LHFPL3: variants seen among roughly 807,000 people sequenced by gnomAD.
LHFPL3 encodes LHFPL tetraspan subfamily member 3 protein.
In LHFPL3, 5 loss-of-function variants were observed where a neutral mutation model predicts 19.3. The observed-to-expected ratio is 0.26, with a 90% CI of 0.14 to 0.54. The LOEUF (loss-of-function observed/expected upper bound fraction) is 0.54, where lower values mean the gene tolerates loss of function less well. Among genes scored for constraint, LHFPL3 ranks in the 20% least tolerant of loss-of-function variants. LHFPL3 has a pLI of 0.94. For missense variants in LHFPL3, 249 were observed against 307.4 expected (o/e 0.81, Z 1.42); for synonymous variants, 133 against 126.2 (o/e 1.05, Z -0.36).
intron 2 of LHFPL3, among the ~76,000 whole-genome samples, chr7:104,856,967 A>G (rs546955420): frequency 6.6e-6 from 1 of 152,342 alleles, no homozygotes; most frequent in Non-Finnish European, 1.5e-5. Flanking sequence ...GAGGCTTAGC[A>G]AAAAAGGTAA....
chr7:104,350,754 C>G (rs994038280), intron 1 of LHFPL3, among the ~76,000 whole-genome samples: 2 of 152,116 alleles, frequency 1.3e-5, no homozygotes, highest in African/African-American at 4.8e-5. Context: ...GAAAAGGTCT[C>G]TTTGGCCGAG....
intron 1 of LHFPL3, among the ~76,000 whole-genome samples, chr7:104,474,423 G>C (rs1321474281): frequency 6.6e-6 from 1 of 152,020 alleles, no homozygotes; most frequent in Non-Finnish European, 1.5e-5. Context: ...CCAGCACTTT[G>C]GGAGGTCGAG....
At chr7:104,875,295 CT>C (rs1191632715) in intron 2 of LHFPL3, among the ~76,000 whole-genome samples, 2 of 152,078 alleles carry the variant, frequency 1.3e-5, no homozygotes, top group African/African-American at 4.8e-5. Flanking sequence ...TTCCATGTTC[CT>C]TTCTTTGACT....
intron 1 of LHFPL3, among the ~76,000 whole-genome samples, chr7:104,430,764 G>A (rs1178564480): frequency 4.0e-5 from 6 of 151,692 alleles, no homozygotes; most frequent in African/African-American, 9.7e-5. Flanking sequence ...CACTGCGCCC[G>A]GCCCTTCTGT....
chr7:104,639,686 A>G lies in LHFPL3; in HGVS notation c.446-96989A>G, dbSNP rs547901113. On this transcript the variant is annotated intron_variant, in intron 1 of 2. Transcript: ENST00000424859. Reference sequence around the variant, plus strand: ...TTGGGAATGGGAAGGAATATTTTAAAAGCAATGCAATGCAGACTATGGTTT... The same window carrying G: ...TTGGGAATGGGAAGGAATATTTTAAGAGCAATGCAATGCAGACTATGGTTT... 6.6e-5 allele frequency among the ~76,000 whole-genome samples: 10 copies of G among 152,340 alleles called. No individual in the cohort carries two copies. The East Asian group carries it at 1.9e-3, about 29-fold the overall frequency.
chr7:104,813,361 C>T (rs565942538), intron 2 of LHFPL3, among the ~76,000 whole-genome samples: 5 of 152,180 alleles, frequency 3.3e-5, no homozygotes, highest in Admixed American at 6.5e-5. Context: ...ATGTAAATAG[C>T]TGGTAACCTC....
chr7:104,413,948 C>CA (rs1250105890), intron 1 of LHFPL3, among the ~76,000 whole-genome samples: 2 of 151,702 alleles, frequency 1.3e-5, no homozygotes, highest in African/African-American at 2.4e-5. Context: ...TTATTTTCAG[C>CA]AAAAAAGGTG....
At chr7:104,558,591 A>G (rs2115936243) in intron 1 of LHFPL3, among the ~76,000 whole-genome samples, 1 of 150,918 alleles carries the variant, frequency 6.6e-6, no homozygotes, top group East Asian at 1.9e-4. Flanking sequence ...CCTTTGTCAG[A>G]TAAGTAGGTT....
rs539151578 is a variant in LHFPL3, at chr7:104,682,476, G to A, written c.446-54199G>A. Among the ~76,000 whole-genome samples the A allele has an allele frequency of 3.3e-5, 5 of 152,352 alleles. 1 individual carries two copies. The highest frequency in any genetic ancestry group is 3.3e-4 in the Admixed American group (5 of 15,302). On this transcript the variant is annotated intron_variant, in intron 1 of 2. Coordinates refer to ENST00000424859, the MANE Select transcript of LHFPL3 (RefSeq NM_199000.3). ...CTCACTTAACCTCAAATGGGAAAAT[G>A]TGAGAACCTAAGTGCCCAACATAGT...
intron 1 of LHFPL3, among the ~76,000 whole-genome samples, chr7:104,699,474 G>A (rs938528320): frequency 2.6e-5 from 4 of 152,130 alleles, no homozygotes; most frequent in Non-Finnish European, 2.9e-5. Flanking sequence ...TTCCTATTAC[G>A]TGCGGTTCCA....
chr7:104,712,008 T>C (rs540992323), intron 1 of LHFPL3, among the ~76,000 whole-genome samples: 31 of 152,310 alleles, frequency 2.0e-4, no homozygotes, highest in African/African-American at 7.5e-4. Context: ...CTGGAATGTG[T>C]AAATACATTA....
chr7:104,522,082 G>T (rs1337090684), intron 1 of LHFPL3, among the ~76,000 whole-genome samples: 2 of 152,124 alleles, frequency 1.3e-5, no homozygotes, highest in East Asian at 3.9e-4. Flanking sequence ...AAAGACACAT[G>T]CACACGTATG....
chr7:104,497,575 C>G (rs1793509225), intron 1 of LHFPL3, among the ~76,000 whole-genome samples: 1 of 151,332 alleles, frequency 6.6e-6, no homozygotes, highest in Admixed American at 6.6e-5. Flanking sequence ...TCTCATTTCT[C>G]TTCTGCTGTT....
At chr7:104,496,857 G>A (rs375491194) in intron 1 of LHFPL3, among the ~76,000 whole-genome samples, 3 of 152,162 alleles carry the variant, frequency 2.0e-5, no homozygotes, top group African/African-American at 7.2e-5. Context: ...GTATTTGTGG[G>A]ATCCCTTCCT....
intron 1 of LHFPL3, among the ~76,000 whole-genome samples, chr7:104,499,517 G>C (rs77064521): frequency 6.6e-6 from 1 of 152,318 alleles, no homozygotes; most frequent in Non-Finnish European, 1.5e-5. Context: ...GGAAAGGTCT[G>C]TCTACTGCCA....
At chr7:104,374,143 A>G (rs569531417) in intron 1 of LHFPL3, among the ~76,000 whole-genome samples, 1 of 152,204 alleles carries the variant, frequency 6.6e-6, no homozygotes, top group Admixed American at 6.5e-5. Context: ...CAAGCTGGGA[A>G]TAAACATGTT....
intron 2 of LHFPL3, among the ~76,000 whole-genome samples, chr7:104,788,966 C>T (rs546472246): frequency 6.6e-6 from 1 of 152,346 alleles, no homozygotes; most frequent in South Asian, 2.1e-4. Flanking sequence ...TCCAACACAG[C>T]AAGCCTATCT....
chr7:104,708,808 C>T (rs1430897376), intron 1 of LHFPL3, among the ~76,000 whole-genome samples: 1 of 152,104 alleles, frequency 6.6e-6, no homozygotes, highest in East Asian at 1.9e-4. Flanking sequence ...CTCTGTCTCC[C>T]TTTTTTCCTC....
At chr7:104,421,757 G>A (rs1791737193) in intron 1 of LHFPL3, among the ~76,000 whole-genome samples, 1 of 152,218 alleles carries the variant, frequency 6.6e-6, no homozygotes, top group Non-Finnish European at 1.5e-5. Context: ...TTCAGAAATT[G>A]TAAAGAAAAG....
Sources: allele counts gnomAD v4.1 joint callset (sites outside exome capture counted in the v4.1 genomes callset), GRCh38; gene constraint gnomAD v4.1.1; transcripts MANE v1.5; gene names NCBI Gene and HGNC (gene_info 2026-07-23, HGNC 2026-07-21).